GNA14: variants seen among roughly 807,000 people sequenced by gnomAD.
GNA14 encodes guanine nucleotide-binding protein subunit alpha-14.
GNA14 carries 50 observed loss-of-function variants against 42.0 expected under a neutral mutation model. The ratio of observed to expected loss-of-function variants is 1.19; its 90% CI spans 0.95 to 1.51. GNA14 has a LOEUF of 1.51. Among genes scored for constraint, GNA14 ranks in the 40% most tolerant of loss-of-function variants. The pLI is 0.00. For synonymous variants in GNA14, 173 were observed against 163.1 expected (o/e 1.06, Z -0.46); for missense variants, 473 against 446.2 (o/e 1.06, Z -0.54).
At chr9:77,636,465 G>A (rs1225777010) in intron 1 of GNA14, among the ~76,000 whole-genome samples, 1 of 152,214 alleles carries the variant, frequency 6.6e-6, no homozygotes, top group South Asian at 2.1e-4. Context: ...TCCATTCTGT[G>A]TTATAAAGGA....
intron 1 of GNA14, among the ~76,000 whole-genome samples, chr9:77,584,506 T>C (rs1297302226): frequency 1.3e-5 from 2 of 151,688 alleles, no homozygotes; most frequent in South Asian, 2.1e-4. Context: ...TCCTGTGACT[T>C]ACCCCCCACC....
intron 1 of GNA14, among the ~76,000 whole-genome samples, chr9:77,630,702 A>G (rs1383934602): frequency 6.6e-6 from 1 of 151,910 alleles, no homozygotes; most frequent in Non-Finnish European, 1.5e-5. Context: ...AAAGCCTTAG[A>G]AAAACTAGTT....
At chr9:77,601,346 A>C (rs1171655119) in intron 1 of GNA14, among the ~76,000 whole-genome samples, 1 of 152,240 alleles carries the variant, frequency 6.6e-6, no homozygotes, top group Non-Finnish European at 1.5e-5. Context: ...AGGAAAGAGA[A>C]GTGAAAGAAA....
At chr9:77,454,670 C>CAT (rs1324601539) in intron 2 of GNA14, among the ~76,000 whole-genome samples, 2 of 150,426 alleles carry the variant, frequency 1.3e-5, no homozygotes, top group Admixed American at 1.3e-4. Flanking sequence ...TCCTTGATTC[C>CAT]ATGACCTCAC....
At chr9:77,529,632 G>T (rs753359658) in intron 1 of GNA14, among the ~76,000 whole-genome samples, 4 of 152,308 alleles carry the variant, frequency 2.6e-5, no homozygotes, top group South Asian at 2.1e-4. Context: ...AGAGAAAAAG[G>T]CTCATGAATC....
At position 77,594,479 on chromosome 9, in the gene GNA14, G is replaced by A. The variant is rs141143008; in HGVS notation, c.124+53191C>T. Among the ~76,000 whole-genome samples the A allele has an allele frequency of 3.9e-3, 587 of 152,288 alleles. 7 individuals carry two copies. Among genetic ancestry groups the A allele is most frequent in the Admixed American group, 5.4e-3 (83 of 15,300 alleles). On this transcript the variant is annotated intron_variant, in intron 1 of 6. Transcript: ENST00000341700. ...ACAAGCACCAAAAACAAATCAAAAT[G>A]AGTTTTACACCCAAAGTGTCAAGTA...
chr9:77,595,700 G>T (rs1365585174), intron 1 of GNA14, among the ~76,000 whole-genome samples: 1 of 152,088 alleles, frequency 6.6e-6, no homozygotes, highest in African/African-American at 2.4e-5. Context: ...GCTATCACTT[G>T]ACAGGCATGT....
intron 1 of GNA14, among the ~76,000 whole-genome samples, chr9:77,599,646 C>G (rs527288869): frequency 4.3e-4 from 66 of 152,266 alleles, no homozygotes; most frequent in African/African-American, 1.6e-3. Flanking sequence ...CCCCGGGGAG[C>G]CTGCCATGAT....
chr9:77,454,422 T>C (rs1249191202), intron 2 of GNA14, among the ~76,000 whole-genome samples: 1 of 152,190 alleles, frequency 6.6e-6, no homozygotes, highest in Non-Finnish European at 1.5e-5. Context: ...TTGGCACACC[T>C]GTTAATTCAG....
At chr9:77,542,560 G>A (rs1837673594) in intron 1 of GNA14, among the ~76,000 whole-genome samples, 1 of 152,166 alleles carries the variant, frequency 6.6e-6, no homozygotes, top group Non-Finnish European at 1.5e-5. Flanking sequence ...GGCCAGGCAT[G>A]TGGGCAGGTT....
intron 1 of GNA14, among the ~76,000 whole-genome samples, chr9:77,615,065 C>T (rs1400665077): frequency 6.6e-6 from 1 of 152,194 alleles, no homozygotes; most frequent in Admixed American, 6.5e-5. Context: ...TCTCTTTACC[C>T]ACAGTTCTTG....
intron 1 of GNA14, among the ~76,000 whole-genome samples, chr9:77,566,493 T>G (rs901461768): frequency 3.3e-5 from 5 of 152,164 alleles, no homozygotes; most frequent in Admixed American, 3.3e-4. Flanking sequence ...GTCATGGAAT[T>G]GCCTGTGCTT....
intron 1 of GNA14, among the ~76,000 whole-genome samples, chr9:77,642,405 C>CA (rs1440246507): frequency 2.0e-5 from 3 of 152,070 alleles, no homozygotes; most frequent in South Asian, 2.1e-4. Context: ...CATATTATGG[C>CA]AAAAAAGCAA....
intron 1 of GNA14, among the ~76,000 whole-genome samples, chr9:77,584,287 TG>T (rs1446541272): frequency 2.6e-5 from 4 of 152,254 alleles, no homozygotes; most frequent in African/African-American, 7.2e-5. Context: ...ATGATGACCT[TG>T]ATAGTATATT....
chr9:77,540,709 TTATTATTACACACTGAC>T (rs1837649508), intron 1 of GNA14, among the ~76,000 whole-genome samples: 1 of 152,130 alleles, frequency 6.6e-6, no homozygotes, highest in Non-Finnish European at 1.5e-5. Context: ...ATTGATCCTC[TTATTATTACACACTGAC>T]ATTTTTTGTC....
intron 1 of GNA14, among the ~76,000 whole-genome samples, chr9:77,605,469 A>T (rs1823632363): frequency 6.6e-6 from 1 of 152,212 alleles, no homozygotes; most frequent in South Asian, 2.1e-4. Context: ...TTTCTCCCCC[A>T]AACAGGTCAT....
intron 2 of GNA14, among the ~76,000 whole-genome samples, chr9:77,506,296 A>G (rs1313352968): frequency 6.6e-6 from 1 of 151,716 alleles, no homozygotes; most frequent in East Asian, 1.9e-4. Context: ...AAAAAAAAAA[A>G]AAAAGAAATG....
At chr9:77,601,188 GT>G (rs1004380484) in intron 1 of GNA14, among the ~76,000 whole-genome samples, 3 of 152,030 alleles carry the variant, frequency 2.0e-5, no homozygotes, top group African/African-American at 7.2e-5. Flanking sequence ...TGTTGTTTTT[GT>G]TTTTTTGTTT....
At chr9:77,561,986 C>CA (rs1030241998) in intron 1 of GNA14, among the ~76,000 whole-genome samples, 27 of 152,090 alleles carry the variant, frequency 1.8e-4, no homozygotes, top group African/African-American at 6.3e-4. Flanking sequence ...GGATAAAGCC[C>CA]AAAAAATCTA....
Sources: allele counts gnomAD v4.1 joint callset (sites outside exome capture counted in the v4.1 genomes callset), GRCh38; gene constraint gnomAD v4.1.1; transcripts MANE v1.5; gene names NCBI Gene and HGNC (gene_info 2026-07-23, HGNC 2026-07-21).